The following HTR7 variants were observed in gnomAD, a reference collection of about 807,000 sequenced individuals.
The protein encoded by HTR7 is 5-hydroxytryptamine receptor 7, also known as 5-HT-7.
Under a neutral mutation model 34.0 loss-of-function variants are expected in HTR7, and 16 were observed. The observed-to-expected ratio is 0.47, with a 90% CI of 0.32 to 0.71. HTR7 has a LOEUF of 0.71. Among genes scored for constraint, HTR7 ranks in the 30% least tolerant of loss-of-function variants. The pLI is 0.04. For missense variants in HTR7, 504 were observed against 625.5 expected, an observed-to-expected ratio of 0.81 and a Z score of 2.07; for synonymous variants, 265 against 260.2, an observed-to-expected ratio of 1.02 and a Z score of -0.18.
At chr10:90,816,655 A>G (rs1845902984) in intron 1 of HTR7, among the ~76,000 whole-genome samples, 1 of 152,122 alleles carries the variant, frequency 6.6e-6, no homozygotes, top group Non-Finnish European at 1.5e-5. Flanking sequence ...GTCTGAGAAA[A>G]CTGAAGTTGC....
intron 1 of HTR7, among the ~76,000 whole-genome samples, chr10:90,805,197 C>A (rs909886820): frequency 6.6e-6 from 1 of 152,100 alleles, no homozygotes; most frequent in African/African-American, 2.4e-5. Context: ...ATGGTCATTA[C>A]TATAGGGGGC....
intron 1 of HTR7, among the ~76,000 whole-genome samples, chr10:90,834,967 T>C (rs1419899012): frequency 6.6e-6 from 1 of 152,202 alleles, no homozygotes; most frequent in Non-Finnish European, 1.5e-5. Context: ...GGGAATGTTA[T>C]CGTCTCCTAG....
intron 1 of HTR7, among the ~76,000 whole-genome samples, chr10:90,834,203 AGTCCCT>A (rs982379884): frequency 1.3e-5 from 2 of 152,218 alleles, no homozygotes; most frequent in African/African-American, 4.8e-5. Flanking sequence ...GCACATTCTT[AGTCCCT>A]GGCACTGGGC....
At chr10:90,817,306 G>A (rs774380693) in intron 1 of HTR7, among the ~76,000 whole-genome samples, 2 of 152,126 alleles carry the variant, frequency 1.3e-5, no homozygotes, top group African/African-American at 2.4e-5. Context: ...GAGCCATCAG[G>A]CTTTCCTCCC....
chr10:90,807,829 C>T (rs903300939), intron 1 of HTR7, among the ~76,000 whole-genome samples: 10 of 152,190 alleles, frequency 6.6e-5, no homozygotes, highest in East Asian at 1.9e-4. Context: ...GATCCACCTA[C>T]GACCTCAGGT....
At chr10:90,760,346 T>C (rs1589438992) in intron 1 of HTR7, among the ~76,000 whole-genome samples, 1 of 151,896 alleles carries the variant, frequency 6.6e-6, no homozygotes, top group African/African-American at 2.4e-5. Flanking sequence ...CTGGGAAGGG[T>C]AGGAGGAAAG....
intron 1 of HTR7, among the ~76,000 whole-genome samples, chr10:90,809,588 C>G (rs971665717): frequency 3.3e-5 from 5 of 152,316 alleles, no homozygotes; most frequent in Non-Finnish European, 5.9e-5. Context: ...AATTCCTTGC[C>G]TCCACTGTGA....
At chr10:90,752,640 A>G (rs1251574398) in intron 1 of HTR7, among the ~76,000 whole-genome samples, 6 of 152,172 alleles carry the variant, frequency 3.9e-5, no homozygotes, top group Non-Finnish European at 8.8e-5. Flanking sequence ...AGCCACAGAA[A>G]TAAAAGCCCC....
At chr10:90,781,360 C>T (rs1050364283) in intron 1 of HTR7, among the ~76,000 whole-genome samples, 7 of 152,102 alleles carry the variant, frequency 4.6e-5, no homozygotes, top group African/African-American at 1.7e-4. Flanking sequence ...TTAAGCCGAA[C>T]CCCTAACAAA....
chr10:90,837,469 T>C (rs1321405529), intron 1 of HTR7, among the ~76,000 whole-genome samples: 1 of 152,220 alleles, frequency 6.6e-6, no homozygotes, highest in Non-Finnish European at 1.5e-5. Flanking sequence ...GCTCATTATC[T>C]CCAGAGTGGC....
intron 1 of HTR7, among the ~76,000 whole-genome samples, chr10:90,764,780 C>A (rs1002126901): frequency 2.6e-5 from 4 of 152,126 alleles, no homozygotes; most frequent in South Asian, 2.1e-4. Context: ...CTTTACACCA[C>A]TGAGTATGAT....
At chr10:90,783,032 C>G (rs563553986) in intron 1 of HTR7, among the ~76,000 whole-genome samples, 2 of 152,166 alleles carry the variant, frequency 1.3e-5, no homozygotes, top group Non-Finnish European at 2.9e-5. Flanking sequence ...CTTACTGGGA[C>G]TGGAACTGTG....
chr10:90,854,365 C>T (rs1323123321), intron 1 of HTR7, among the ~76,000 whole-genome samples: 1 of 151,662 alleles, frequency 6.6e-6, no homozygotes, highest in East Asian at 1.9e-4. Flanking sequence ...CTCCACCTCA[C>T]TCCCCCCAAA....
intron 1 of HTR7, among the ~76,000 whole-genome samples, chr10:90,780,101 C>G (rs563758651): frequency 1.3e-5 from 2 of 152,248 alleles, no homozygotes; most frequent in South Asian, 4.1e-4. Context: ...AAGTATGAGG[C>G]CAGGTGTCGT....
rs191461678 is a variant in HTR7, at chr10:90,801,285, G to A, written c.540-51691C>T. On this transcript the variant is annotated intron_variant, in intron 1 of 3. Coordinates refer to ENST00000336152, the MANE Select transcript of HTR7 (RefSeq NM_019859.4). ...GAGATCTCAACTATATGTAAATTAT[G>A]AAATCACTTTTTCTGTTTTTTGGTT... Among the ~76,000 whole-genome samples the A allele has an allele frequency of 1.8e-3, 273 of 152,216 alleles. 1 individual carries two copies. The highest frequency in any genetic ancestry group is 0.015 in the Admixed American group (225 of 15,294).
intron 1 of HTR7, among the ~76,000 whole-genome samples, chr10:90,803,023 T>C (rs144123183): frequency 6.9e-6 from 1 of 144,850 alleles, no homozygotes; most frequent in Non-Finnish European, 1.5e-5. Context: ...TTTTTTGCTG[T>C]CTTTGGTGTC....
At position 90,780,334 on chromosome 10, in the gene HTR7, G is replaced by A. The variant is rs975397927; in HGVS notation, c.540-30740C>T. On this transcript the variant is annotated intron_variant, in intron 1 of 3. Coordinates refer to ENST00000336152, the MANE Select transcript of HTR7 (RefSeq NM_019859.4). Reference sequence around the variant, plus strand: ...GCGGATCACCTGAGGTCAGGAGTTCGAGACCAGCCTGGCCAATGTGGTGAA... The same window carrying A: ...GCGGATCACCTGAGGTCAGGAGTTCAAGACCAGCCTGGCCAATGTGGTGAA... Among the ~76,000 whole-genome samples the A allele has an allele frequency of 5.3e-5, 8 of 152,184 alleles. No individual in the cohort carries two copies. The East Asian group carries it at 1.5e-3, about 29-fold the overall frequency.
chr10:90,763,825 A>G (rs80258922), intron 1 of HTR7, among the ~76,000 whole-genome samples: 6 of 152,316 alleles, frequency 3.9e-5, no homozygotes, highest in African/African-American at 1.4e-4. Flanking sequence ...ATAGTATTCC[A>G]TGGTGTATAT....
At chr10:90,802,175 CTCTTG>C (rs1230732834) in intron 1 of HTR7, among the ~76,000 whole-genome samples, 1 of 152,130 alleles carries the variant, frequency 6.6e-6, no homozygotes, top group Non-Finnish European at 1.5e-5. Context: ...TGAGTTTTCC[CTCTTG>C]TCTTGTTTTA....
Sources: allele counts gnomAD v4.1 joint callset (sites outside exome capture counted in the v4.1 genomes callset), GRCh38; gene constraint gnomAD v4.1.1; transcripts MANE v1.5; gene names NCBI Gene and HGNC (gene_info 2026-07-23, HGNC 2026-07-21).